RNF115: variants seen among roughly 807,000 people sequenced by gnomAD.
RNF115 encodes the protein ring finger protein 115, also known as E3 ubiquitin-protein ligase RNF115.
A neutral mutation model predicts 39.2 loss-of-function variants in RNF115; 31 were observed. The observed-to-expected ratio is 0.79, with a 90% CI of 0.59 to 1.07. The LOEUF (loss-of-function observed/expected upper bound fraction) is 1.07. Among genes scored for constraint, RNF115 ranks in the 50% least tolerant of loss-of-function variants. The probability of loss-of-function intolerance (pLI) is 0.00; values close to 1 mark genes in which losing one functional copy is unlikely to be tolerated. For synonymous variants in RNF115, 124 were observed against 131.0 expected, an observed-to-expected ratio of 0.95 and a Z score of 0.37; for missense variants, 384 against 381.7, an observed-to-expected ratio of 1.01 and a Z score of -0.05.
At chr1:145,798,619 T>C (rs1649088044) in intron 1 of RNF115, among the ~76,000 whole-genome samples, 1 of 152,216 alleles carries the variant, frequency 6.6e-6, no homozygotes, top group African/African-American at 2.4e-5. Flanking sequence ...TTTGTTTTTC[T>C]TTTTGAAAAC....
At chr1:145,818,160 C>T (rs1650073408) in intron 1 of RNF115, among the ~76,000 whole-genome samples, 1 of 151,860 alleles carries the variant, frequency 6.6e-6, no homozygotes. Context: ...GTTTTAAGTT[C>T]TTTGGGAAAT....
chr1:145,794,449 CTAG>C (rs1648839754), intron 1 of RNF115, among the ~76,000 whole-genome samples: 1 of 149,964 alleles, frequency 6.7e-6, no homozygotes. Context: ...CTTCCTGTAA[CTAG>C]AACACTATTT....
intron 1 of RNF115, 98 bp from the exon 2 acceptor site, chr1:145,789,064 T>C: frequency 1.3e-6 from 1 of 749,698 alleles, no homozygotes; most frequent in South Asian, 1.6e-5. Flanking sequence ...GCTGAGGCTC[T>C]GAAATGTTCT....
chr1:145,746,862 A>G lies in RNF115; in HGVS notation c.*4T>C. On this transcript the variant is annotated 3_prime_UTR_variant, in exon 9 of 9. Transcript: ENST00000582693. ...CAGCCCTGATTCAGGTGTGGTCTTT[A>G]GCTTCAGAAAGTCCATCGGTCATGT... 2 of 1,613,914 alleles carry G rather than the reference A, an allele frequency of 1.2e-6. No individual in the cohort carries two copies. The highest frequency in any genetic ancestry group is 1.7e-6 in the Non-Finnish European group (2 of 1,179,864).
At chr1:145,768,270 A>T (rs1308879044) in intron 4 of RNF115, among the ~76,000 whole-genome samples, 1 of 152,226 alleles carries the variant, frequency 6.6e-6, no homozygotes, top group Admixed American at 6.5e-5. Context: ...TGGCTGTGGC[A>T]TCCTCTCCAA....
At chr1:145,794,183 T>C (rs1333736218) in intron 1 of RNF115, among the ~76,000 whole-genome samples, 1 of 152,214 alleles carries the variant, frequency 6.6e-6, no homozygotes, top group Non-Finnish European at 1.5e-5. Context: ...GCTTCTCTTT[T>C]AGTCCTTTCC....
intron 5 of RNF115, 21 bp downstream of exon 5, chr1:145,752,957 A>G: frequency 3.3e-6 from 5 of 1,522,300 alleles, no homozygotes; most frequent in Non-Finnish European, 4.6e-6. Flanking sequence ...AGAGTAAGAT[A>G]GAAAACAATT....
chr1:145,787,097 G>A, intron 2 of RNF115: 1 of 1,121,842 alleles, frequency 8.9e-7, no homozygotes, highest in Non-Finnish European at 1.2e-6. Flanking sequence ...ATTACCTACT[G>A]CCATTAAAAT....
intron 1 of RNF115, among the ~76,000 whole-genome samples, chr1:145,792,402 C>T (rs917518545): frequency 3.3e-5 from 5 of 151,912 alleles, no homozygotes; most frequent in Admixed American, 2.6e-4. Context: ...ACAATCACGG[C>T]TCAAGGCAGC....
At chr1:145,807,784 T>A (rs1301650883) in intron 1 of RNF115, among the ~76,000 whole-genome samples, 1 of 152,150 alleles carries the variant, frequency 6.6e-6, no homozygotes, top group African/African-American at 2.4e-5. Flanking sequence ...ATTCCTTCTA[T>A]CTAATTTTAT....
chr1:145,763,312 T>C (rs1351391111), intron 4 of RNF115, among the ~76,000 whole-genome samples: 1 of 152,174 alleles, frequency 6.6e-6, no homozygotes, highest in African/African-American at 2.4e-5. Context: ...AGCTTACTGC[T>C]AAAATCAAAG....
Position 145,742,214 on chromosome 1 carries a change from C to T in RNF115, c.*4652G>A, listed in dbSNP as rs1015231034. ...ATGCTTCCCTCCTGATTTATTAAGA[C>T]CGACATATTTAATTTGCATTTCTTG... On this transcript the variant is annotated 3_prime_UTR_variant, in exon 9 of 9. Coordinates refer to ENST00000582693, the MANE Select transcript of RNF115 (RefSeq NM_014455.4). 7.2e-5 allele frequency: 11 copies of T among 152,014 alleles called. No homozygotes were observed. Among genetic ancestry groups the T allele is most frequent in the Non-Finnish European group, 1.5e-4 (10 of 68,020 alleles). 9.4% of individuals were successfully genotyped at this position (152,014 alleles called of 1,614,324 possible).
chr1:145,750,447 G>T lies in RNF115; in HGVS notation c.627C>A (p.Ile209=). The change falls in exon 7 of 9, where the codon ATC becomes ATA. Residue 209 remains isoleucine (I), a synonymous_variant. Coordinates refer to ENST00000582693, the MANE Select transcript of RNF115 (RefSeq NM_014455.4). The stretch of plus-strand genomic sequence containing the variant: ...TTACTGTCACTGTTGGAAGAGATGT[G>T]ATCTTTTCCTTGTCAGCTGGGGGAG... ...TGPPPADKEK[I]TSLPTVTVTQ... is the part of the protein sequence containing the mutation. 1 of 1,613,978 alleles carries T rather than the reference G, an allele frequency of 6.2e-7. No homozygotes were observed. The highest frequency in any genetic ancestry group is 8.5e-7 in the Non-Finnish European group (1 of 1,179,900).
intron 3 of RNF115, among the ~76,000 whole-genome samples, chr1:145,774,339 CTTTCTTTTTT>C (rs1205520417): frequency 6.8e-6 from 1 of 146,728 alleles, no homozygotes; most frequent in Non-Finnish European, 1.5e-5. Context: ...CCAGACATTT[CTTTCTTTTTT>C]TTTCTTTTTT....
rs1249982729 is a variant in RNF115, at chr1:145,741,982, G to C, written c.*4884C>G. On this transcript the variant is annotated 3_prime_UTR_variant, in exon 9 of 9. Coordinates refer to ENST00000582693, the MANE Select transcript of RNF115 (RefSeq NM_014455.4). ...AAATTAGCTGGGCATGGTGGCACGTGCCTGTAATCCCAGCTACTTGGGAGG... is the reference window on the plus strand; with the variant it reads ...AAATTAGCTGGGCATGGTGGCACGTCCCTGTAATCCCAGCTACTTGGGAGG... The C allele has an allele frequency of 1.3e-5, 2 of 152,278 alleles. No individual in the cohort carries two copies. Among genetic ancestry groups the C allele is most frequent in the African/African-American group, 4.8e-5 (2 of 41,412 alleles). The allele number at this position is 152,278 out of a possible 1,614,324, so 9.4% of individuals were successfully genotyped here.
intron 2 of RNF115, among the ~76,000 whole-genome samples, chr1:145,784,964 G>A (rs1273367781): frequency 6.6e-6 from 1 of 152,150 alleles, no homozygotes; most frequent in Admixed American, 6.5e-5. Flanking sequence ...TCAACCACCA[G>A]ATGAACACAA....
At chr1:145,777,262 A>C (rs1647929081) in intron 3 of RNF115, among the ~76,000 whole-genome samples, 1 of 152,208 alleles carries the variant, frequency 6.6e-6, no homozygotes, top group Admixed American at 6.5e-5. Context: ...GACTGGCAGA[A>C]AAGTCAAGCA....
At chr1:145,776,816 A>G (rs1227784587) in intron 3 of RNF115, among the ~76,000 whole-genome samples, 17 of 152,216 alleles carry the variant, frequency 1.1e-4, no homozygotes, top group African/African-American at 4.1e-4. Flanking sequence ...AGCCTGGGCA[A>G]CAAGAGTGAA....
At chr1:145,798,849 T>C (rs1348337453) in intron 1 of RNF115, among the ~76,000 whole-genome samples, 2 of 152,154 alleles carry the variant, frequency 1.3e-5, no homozygotes, top group Admixed American at 6.6e-5. Flanking sequence ...CAGCAGTATT[T>C]TACGGTTTTT....
Sources: gnomAD v4.1 joint callset for allele counts (sites outside exome capture counted in the v4.1 genomes callset) on GRCh38, gnomAD v4.1.1 for gene constraint, MANE v1.5 for transcripts, NCBI Gene and HGNC (gene_info 2026-07-23, HGNC 2026-07-21) for gene names.